TMCO4: variants seen among roughly 807,000 people sequenced by gnomAD.
The protein encoded by TMCO4 is transmembrane and coiled-coil domains 4.
Under a neutral mutation model 64.7 loss-of-function variants are expected in TMCO4, and 58 were observed. The observed-to-expected ratio is 0.90, with a 90% confidence interval of 0.73 to 1.12. TMCO4 has a LOEUF of 1.12. TMCO4 is among the 50% of genes most tolerant of loss of function. The probability of loss-of-function intolerance (pLI) is 0.00; values close to 1 mark genes in which losing one functional copy is unlikely to be tolerated. For missense variants in TMCO4, 780 were observed against 825.9 expected (o/e 0.94, Z 0.68); for synonymous variants, 325 against 346.1 (o/e 0.94, Z 0.68).
At chr1:19,768,931 G>A (rs567226778) in intron 6 of TMCO4, among the ~76,000 whole-genome samples, 3 of 152,252 alleles carry the variant, frequency 2.0e-5, no homozygotes, top group African/African-American at 7.2e-5. Flanking sequence ...TTAAAAAACA[G>A]TAAAGAAAGT....
chr1:19,682,935 G>A lies in TMCO4; in HGVS notation c.*105C>T, dbSNP rs548101373. ...CCAATTCCTTCCATTTAGGAAAGAG[G>A]CCTGTGGAAATCCTGTACCTCCAGA... On this transcript the variant is annotated 3_prime_UTR_variant, in exon 16 of 16. Transcript: ENST00000294543. 1.5e-5 allele frequency: 20 copies of A among 1,364,768 alleles called. No individual in the cohort carries two copies. In the South Asian group the frequency reaches 2.2e-4, roughly 15 times the overall value. The allele number at this position is 1,364,768 out of a possible 1,614,324, so 84.5% of individuals were successfully genotyped here.
At chr1:19,688,856 G>A (rs1447319655) in intron 15 of TMCO4, among the ~76,000 whole-genome samples, 1 of 152,182 alleles carries the variant, frequency 6.6e-6, no homozygotes, top group Non-Finnish European at 1.5e-5. Flanking sequence ...TAAGTTCTAG[G>A]CCACCTGGCA....
chr1:19,696,164 T>C (rs1048085346), intron 14 of TMCO4, among the ~76,000 whole-genome samples: 1 of 152,218 alleles, frequency 6.6e-6, no homozygotes, highest in Non-Finnish European at 1.5e-5. Flanking sequence ...ATGGGCTTTC[T>C]CATCTAGACA....
At chr1:19,757,688 CTCAG>C (rs2042328457) in intron 6 of TMCO4, among the ~76,000 whole-genome samples, 1 of 152,138 alleles carries the variant, frequency 6.6e-6, no homozygotes, top group African/African-American at 2.4e-5. Context: ...AGACCTCTCT[CTCAG>C]TATCTTCCCC....
intron 13 of TMCO4, among the ~76,000 whole-genome samples, chr1:19,705,156 A>G (rs2095295715): frequency 6.6e-6 from 1 of 152,112 alleles, no homozygotes; most frequent in African/African-American, 2.4e-5. Flanking sequence ...CACACATAAA[A>G]TACACTAACA....
intron 2 of TMCO4, among the ~76,000 whole-genome samples, chr1:19,796,918 T>C (rs1376787265): frequency 1.3e-5 from 2 of 152,106 alleles, no homozygotes; most frequent in Non-Finnish European, 2.9e-5. Context: ...CAATGTATTA[T>C]AGGTTTATTT....
At chr1:19,741,554 G>A (rs1255002677) in intron 10 of TMCO4, among the ~76,000 whole-genome samples, 1 of 152,056 alleles carries the variant, frequency 6.6e-6, no homozygotes, top group African/African-American at 2.4e-5. Context: ...CACGGAAGGA[G>A]GATGAGACAG....
In TMCO4 at chr1:19,740,925, C is replaced by T. The variant is rs200960173; in HGVS notation, c.894G>A (p.Pro298=). Residue 298 remains proline, a synonymous_variant, in exon 11 of 16, where the codon CCG becomes CCA. Transcript: ENST00000294543. ...ASGKYRTFSA[P]WAALAHSREQ... The stretch of plus-strand genomic sequence containing the variant: ...CACGGCTGTGGGCCAGGGCAGCCCA[C>T]GGGGCACTGAAGGTGCCTGGGGAGA... 40 of 1,611,192 alleles carry T rather than the reference C, an allele frequency of 2.5e-5. No individual in the cohort carries two copies. Among genetic ancestry groups the T allele is most frequent in the Middle Eastern group, 1.7e-4 (1 of 5,942 alleles).
chr1:19,766,754 C>T (rs1319184932), intron 6 of TMCO4, among the ~76,000 whole-genome samples: 3 of 152,250 alleles, frequency 2.0e-5, no homozygotes, highest in African/African-American at 7.2e-5. Flanking sequence ...AACTGTAATA[C>T]AATCAATCCC....
chr1:19,719,742 C>T (rs2095373045), intron 13 of TMCO4, among the ~76,000 whole-genome samples: 1 of 152,076 alleles, frequency 6.6e-6, no homozygotes. Context: ...ACCTGTAATC[C>T]CAGCATTTTG....
chr1:19,719,666 C>T (rs1297258709), intron 13 of TMCO4, among the ~76,000 whole-genome samples: 3 of 151,986 alleles, frequency 2.0e-5, no homozygotes, highest in Non-Finnish European at 2.9e-5. Context: ...GCAGCTGGGG[C>T]TACAGATGTA....
chr1:19,747,496 C>G (rs1197202414), intron 7 of TMCO4, among the ~76,000 whole-genome samples: 1 of 152,194 alleles, frequency 6.6e-6, no homozygotes, highest in African/African-American at 2.4e-5. Flanking sequence ...TCCATCCTAA[C>G]AGGGTTGCAA....
At chr1:19,762,566 C>T (rs2100979810) in intron 6 of TMCO4, among the ~76,000 whole-genome samples, 1 of 152,354 alleles carries the variant, frequency 6.6e-6, no homozygotes, top group Middle Eastern at 3.4e-3. Flanking sequence ...ACCAGCATTT[C>T]TCAATACAGA....
intron 7 of TMCO4, among the ~76,000 whole-genome samples, chr1:19,747,964 CA>C (rs1373741730): frequency 6.6e-6 from 1 of 152,256 alleles, no homozygotes; most frequent in East Asian, 1.9e-4. Context: ...GGAGTCTGAA[CA>C]ATAACTCAGT....
At position 19,732,963 on chromosome 1, in the gene TMCO4, T is replaced by A. The variant is rs1480164714; in HGVS notation, c.1264+4409A>T. 6.6e-6 allele frequency among the ~76,000 whole-genome samples: 1 copy of A among 152,056 alleles called. No homozygotes were observed. Among genetic ancestry groups the A allele is most frequent in the East Asian group, 1.9e-4 (1 of 5,156 alleles). On this transcript the variant is annotated intron_variant, in intron 13 of 15. Transcript: ENST00000294543. This position sits in a 1 kb window ranked among gnomAD's most constrained non-coding sequence, Gnocchi z 4.8. The stretch of plus-strand genomic sequence containing the variant: ...CTTTTTTGCTGACTACCTACTCATC[T>A]GTCAATATAGAAGTTTTCTAGGCCG...
chr1:19,735,979 G>A (rs541353286), intron 13 of TMCO4, among the ~76,000 whole-genome samples: 11 of 152,154 alleles, frequency 7.2e-5, no homozygotes, highest in South Asian at 2.1e-4. Flanking sequence ...AACCAGCACC[G>A]ATGGCCAGAT....
chr1:19,683,122 C>T lies in TMCO4; in HGVS notation c.1823G>A (p.Cys608Tyr). 2.5e-6 allele frequency: 4 copies of T among 1,613,420 alleles called. No individual in the cohort carries two copies. The highest frequency in any genetic ancestry group is 3.4e-6 in the Non-Finnish European group (4 of 1,179,674). ...AAASPERPPI[C>Y]SHGMDPNPLG... ...TGGGTTGGGGTCCATGCCATGGCTG[C>T]AGATGGGGGGCCTTTCAGGGCTGGC... The change falls in exon 16 of 16, where the codon TGC (cysteine) becomes TAC (tyrosine). Residue 608 changes from cysteine to tyrosine, a missense_variant. Coordinates refer to ENST00000294543, the MANE Select transcript of TMCO4 (RefSeq NM_181719.7).
At chr1:19,719,741 C>A (rs2100731125) in intron 13 of TMCO4, among the ~76,000 whole-genome samples, 1 of 152,220 alleles carries the variant, frequency 6.6e-6, no homozygotes, top group East Asian at 1.9e-4. Context: ...CACCTGTAAT[C>A]CCAGCATTTT....
chr1:19,792,184 T>C (rs1381031461), intron 2 of TMCO4, among the ~76,000 whole-genome samples: 1 of 152,140 alleles, frequency 6.6e-6, no homozygotes, highest in Non-Finnish European at 1.5e-5. Flanking sequence ...AATGGACTAA[T>C]ACACCAAGGA....
Sources: gnomAD v4.1 joint callset for allele counts (sites outside exome capture counted in the v4.1 genomes callset) on GRCh38, gnomAD v4.1.1 for gene constraint, Gnocchi (gnomAD v3.1) non-coding constraint, MANE v1.5 for transcripts, NCBI Gene and HGNC (gene_info 2026-07-23, HGNC 2026-07-21) for gene names.